The following IPO7 variants were observed in gnomAD, a reference collection of about 807,000 sequenced individuals.
The protein encoded by IPO7 is importin 7.
A neutral mutation model predicts 136.4 loss-of-function variants in IPO7; 13 were observed. The observed-to-expected ratio is 0.10, with a 90% confidence interval of 0.06 to 0.15. The LOEUF (loss-of-function observed/expected upper bound fraction) is 0.15, where lower values mean the gene tolerates loss of function less well. Ranked by LOEUF, IPO7 falls within the 10% of genes least tolerant of loss-of-function variation. The pLI is 1.00. For synonymous variants in IPO7, 403 were observed against 404.4 expected, an observed-to-expected ratio of 1.00 and a Z score of 0.04; for missense variants, 857 against 1,240.6, an observed-to-expected ratio of 0.69 and a Z score of 4.65.
At position 9,390,895 on chromosome 11, in the gene IPO7, G is replaced by A. The variant is rs564747016; in HGVS notation, c.84+6048G>A. 2.0e-3 allele frequency among the ~76,000 whole-genome samples: 304 copies of A among 152,042 alleles called. 2 individuals are homozygous for A. Among genetic ancestry groups the A allele is most frequent in the African/African-American group, 7.0e-3 (291 of 41,508 alleles). On this transcript the variant is annotated intron_variant, in intron 1 of 24. Transcript: ENST00000379719. ...AGCAATTCTCCTGCCTCAGCCTCCC[G>A]AGTAGCTGGGACTGCAGGCGCCCGC...
At chr11:9,444,889 G>T (rs1352074056) in intron 24 of IPO7, among the ~76,000 whole-genome samples, 1 of 151,630 alleles carries the variant, frequency 6.6e-6, no homozygotes, top group African/African-American at 2.4e-5. Flanking sequence ...GTGAAAATTG[G>T]CTAAGAAGTC....
In IPO7 at chr11:9,445,632, T is replaced by G. The variant is rs573791351; in HGVS notation, c.*438T>G. On this transcript the variant is annotated 3_prime_UTR_variant, in exon 25 of 25. Coordinates refer to ENST00000379719, the MANE Select transcript of IPO7 (RefSeq NM_006391.3). ...TACACCTATGAGTATTTGTCCAATTTCTGTCTCTTCCTCACCATTGGGTAT... is the reference window on the plus strand; with the variant it reads ...TACACCTATGAGTATTTGTCCAATTGCTGTCTCTTCCTCACCATTGGGTAT... 67 of 155,850 alleles carry G rather than the reference T, an allele frequency of 4.3e-4. 2 individuals are homozygous for G. In the South Asian group the frequency reaches 0.013, roughly 30 times the overall value. The allele number at this position is 155,850 out of a possible 1,614,324, so 9.7% of individuals were successfully genotyped here. A position where few individuals can be genotyped will look rare whatever the true frequency, so the allele number is the denominator to read the frequency against.
chr11:9,441,711 A>C (rs549406814), intron 23 of IPO7, among the ~76,000 whole-genome samples: 3 of 152,226 alleles, frequency 2.0e-5, no homozygotes, highest in Non-Finnish European at 4.4e-5. Flanking sequence ...CATGTACCAC[A>C]GTAGCCTTGA....
At chr11:9,403,559 A>G (rs1854831667) in intron 2 of IPO7, 188 bp downstream of exon 2, 1 of 522,386 alleles carries the variant, frequency 1.9e-6, no homozygotes, top group African/African-American at 2.0e-5. Flanking sequence ...GAATAATTTG[A>G]CATTTAGTTG....
chr11:9,426,309 TG>T (rs1183255989), intron 12 of IPO7, among the ~76,000 whole-genome samples: 1 of 152,198 alleles, frequency 6.6e-6, no homozygotes, highest in African/African-American at 2.4e-5. Context: ...TTTCATTTAG[TG>T]TAATGTTTTC....
chr11:9,433,651 A>ATTGTGCTAAGAATT lies in IPO7; in HGVS notation c.1948+17_1948+30dup. 6.2e-7 allele frequency: 1 copy of ATTGTGCTAAGAATT among 1,612,858 alleles called. No homozygotes were observed. Among genetic ancestry groups the ATTGTGCTAAGAATT allele is most frequent in the Non-Finnish European group, 8.5e-7 (1 of 1,179,462 alleles). The stretch of plus-strand genomic sequence containing the variant: ...GCATGTCTTAGGTATTATACCTCTG[A>ATTGTGCTAAGAATT]TTGTGCTAAGAATTTAGTGCTATTT... On this transcript the variant is annotated intron_variant, in intron 17 of 24. Transcript: ENST00000379719.
chr11:9,392,287 C>T (rs545087034), intron 1 of IPO7: 2 of 319,890 alleles, frequency 6.3e-6, no homozygotes, highest in Admixed American at 4.1e-5. Context: ...GGGCAATTCT[C>T]CTGCCTCAGC....
intron 16 of IPO7, 105 bp downstream of exon 16, chr11:9,431,108 C>G: frequency 1.2e-6 from 1 of 817,350 alleles, no homozygotes; most frequent in South Asian, 1.9e-5. Context: ...GCCATTTTCC[C>G]TTTTATAAAG....
intron 24 of IPO7, among the ~76,000 whole-genome samples, chr11:9,444,797 G>A (rs1005518574): frequency 2.2e-4 from 32 of 144,124 alleles, no homozygotes; most frequent in African/African-American, 3.4e-4. Flanking sequence ...AGATCGTGCC[G>A]CTGCACTCCA....
rs183355065 is a variant in IPO7, at chr11:9,443,696, A to G, written c.3020-1401A>G. On this transcript the variant is annotated intron_variant, in intron 24 of 24. Coordinates refer to ENST00000379719, the MANE Select transcript of IPO7 (RefSeq NM_006391.3). ...GACAGGAGGGTTGCTTGAGTTTGGA[A>G]GTTGAAGTCCAGCCTGGGCAACATA... 1.0e-3 allele frequency among the ~76,000 whole-genome samples: 154 copies of G among 151,208 alleles called. 1 individual carries two copies. Among genetic ancestry groups the G allele is most frequent in the Middle Eastern group, 3.5e-3 (1 of 286 alleles).
chr11:9,422,403 G>GTTGTT (rs1483678676), intron 8 of IPO7, among the ~76,000 whole-genome samples: 63 of 151,254 alleles, frequency 4.2e-4, no homozygotes, highest in African/African-American at 1.5e-3. Flanking sequence ...TCAAAACACA[G>GTTGTT]TTTTGTTTTT....
intron 22 of IPO7, among the ~76,000 whole-genome samples, chr11:9,439,527 A>G (rs566842035): frequency 7.9e-5 from 12 of 152,110 alleles, no homozygotes; most frequent in Admixed American, 2.0e-4. Flanking sequence ...AAAGGTACAC[A>G]TATCATTATA....
intron 1 of IPO7, among the ~76,000 whole-genome samples, chr11:9,385,474 C>CATT (rs1854539964): frequency 6.6e-6 from 1 of 152,172 alleles, no homozygotes; most frequent in Non-Finnish European, 1.5e-5. Context: ...TTCCGCTGTC[C>CATT]TAATGCTTCA....
chr11:9,397,551 G>A (rs1854733327), intron 1 of IPO7, among the ~76,000 whole-genome samples: 2 of 150,584 alleles, frequency 1.3e-5, no homozygotes, highest in African/African-American at 4.9e-5. Flanking sequence ...TTCCAACATG[G>A]CTTCCAAACA....
chr11:9,397,341 A>AAAAAAAAAAAAAAAATATATATATATAT, intron 1 of IPO7, among the ~76,000 whole-genome samples: 9 of 10,754 alleles, frequency 8.4e-4, no homozygotes, highest in South Asian at 6.6e-3. Flanking sequence ...TTTAAAAAAA[A>AAAAAAAAAAAAAAAATATATATATATAT]ATATATATAT....
Position 9,435,159 on chromosome 11 carries a change from T to G in IPO7, c.2172+128T>G, listed in dbSNP as rs143404438. On this transcript the variant is annotated intron_variant, in intron 19 of 24. Transcript: ENST00000379719. ...CATGGATCTGACAGAATTAAGGGCT[T>G]TAAAAGTTAAAAGTCATTGGTCCCT... 3,656 of 623,964 alleles carry G rather than the reference T, an allele frequency of 5.9e-3. 30 individuals carry two copies. Among genetic ancestry groups the G allele is most frequent in the Non-Finnish European group, 7.0e-3 (2,496 of 358,130 alleles). The allele number at this position is 623,964 out of a possible 1,614,324, so 38.7% of individuals were successfully genotyped here. A position where few individuals can be genotyped will look rare whatever the true frequency, so the allele number is the denominator to read the frequency against.
intron 1 of IPO7, among the ~76,000 whole-genome samples, chr11:9,385,843 G>A (rs533258224): frequency 2.0e-4 from 31 of 152,084 alleles, no homozygotes; most frequent in Non-Finnish European, 2.5e-4. Context: ...GCATTTTTAC[G>A]TATTAATGAT....
At chr11:9,415,817 G>A (rs1033161337) in intron 5 of IPO7, among the ~76,000 whole-genome samples, 12 of 151,508 alleles carry the variant, frequency 7.9e-5, no homozygotes, top group African/African-American at 2.7e-4. Context: ...CAGCCTGGGC[G>A]ACTGAGCAAG....
chr11:9,424,046 A>G (rs1855170141), intron 10 of IPO7, among the ~76,000 whole-genome samples, 170 bp downstream of exon 10: 1 of 152,170 alleles, frequency 6.6e-6, no homozygotes, highest in African/African-American at 2.4e-5. Context: ...TTTGATAATG[A>G]TAATCTTATT....
Sources: allele counts gnomAD v4.1 joint callset (sites outside exome capture counted in the v4.1 genomes callset), GRCh38; gene constraint gnomAD v4.1.1; transcripts MANE v1.5; gene names NCBI Gene and HGNC (gene_info 2026-07-23, HGNC 2026-07-21).